Variants in FBF1 observed in about 807,000 individuals in gnomAD.
FBF1 encodes Fas binding factor 1.
FBF1 carries 119 observed loss-of-function variants against 147.2 expected under a neutral mutation model. The ratio of observed to expected loss-of-function variants is 0.81; its 90% CI spans 0.70 to 0.94. The LOEUF (loss-of-function observed/expected upper bound fraction) is 0.94. FBF1 is among the 40% of genes least tolerant of loss of function. The pLI, the probability that FBF1 is intolerant of heterozygous loss-of-function variation, is 0.00. For synonymous variants in FBF1, 601 were observed against 609.0 expected, an observed-to-expected ratio of 0.99 and a Z score of 0.19; for missense variants, 1,449 against 1,500.8, an observed-to-expected ratio of 0.97 and a Z score of 0.57.
At chr17:75,927,310 T>C (rs2065568114) in intron 9 of FBF1, 145 bp downstream of exon 9, 6 of 669,432 alleles carry the variant, frequency 9.0e-6, no homozygotes, top group South Asian at 1.9e-5. Flanking sequence ...ACAATATAGC[T>C]GGTCCCGACA....
rs1229815320 is a variant in FBF1, at chr17:75,910,481, C to T, written c.*242G>A. 3.9e-6 allele frequency: 2 copies of T among 512,008 alleles called. No individual in the cohort carries two copies. Among genetic ancestry groups the T allele is most frequent in the African/African-American group, 3.9e-5 (2 of 51,700 alleles). The allele number at this position is 512,008 out of a possible 1,614,324, so 31.7% of individuals were successfully genotyped here. On this transcript the variant is annotated 3_prime_UTR_variant, in exon 30 of 30. Transcript: ENST00000636174. The surrounding 1 kb of genome is among the most constrained non-coding windows in gnomAD (Gnocchi z 4.1). ...CAGACCCTCAGATCCAAGCCAATGGCTTTGGGGCAGGGCAGCCAAAGCCAT... is the reference window on the plus strand; with the variant it reads ...CAGACCCTCAGATCCAAGCCAATGGTTTTGGGGCAGGGCAGCCAAAGCCAT...
chr17:75,929,964 C>CCCAAAAAAAA, intron 7 of FBF1, 33 bp downstream of exon 7: 2 of 1,402,200 alleles, frequency 1.4e-6, no homozygotes, highest in Non-Finnish European at 2.0e-6. Flanking sequence ...CACCCACCCC[C>CCCAAAAAAAA]AGTTCTAAGA....
At position 75,919,721 on chromosome 17, in the gene FBF1, C is replaced by A. The variant is rs374905266; in HGVS notation, c.2085G>T (p.Ala695=). 2 of 1,612,926 alleles carry A rather than the reference C, an allele frequency of 1.2e-6. No homozygotes were observed. Among genetic ancestry groups the A allele is most frequent in the African/African-American group, 1.3e-5 (1 of 75,052 alleles). ...ELTAQHQRRL[A]AIAQEKDQEM... ...CCTGGTCCTTCTCCTGCGCTATGGC[C>A]GCCAAGCGCCGCTGGTGCTGGGCCG... The change falls in exon 20 of 30, where the codon GCG becomes GCT. Residue 695 remains alanine (A), a synonymous_variant. Coordinates refer to ENST00000636174, the MANE Select transcript of FBF1 (RefSeq NM_001319193.2). The surrounding 1 kb of genome is among the most constrained non-coding windows in gnomAD (Gnocchi z 5.0).
chr17:75,911,291 T>G (rs893185044), intron 29 of FBF1, among the ~76,000 whole-genome samples: 10 of 152,252 alleles, frequency 6.6e-5, no homozygotes, highest in Admixed American at 3.3e-4. Context: ...AAACAAAGCC[T>G]TCGGCATTGA....
chr17:75,927,057 C>T (rs1418480022), intron 9 of FBF1, among the ~76,000 whole-genome samples, 180 bp from the exon 10 acceptor site: 1 of 152,196 alleles, frequency 6.6e-6, no homozygotes, highest in Non-Finnish European at 1.5e-5. Context: ...ACAGGCCGGG[C>T]AAGGAGAGAG....
intron 5 of FBF1, among the ~76,000 whole-genome samples, 194 bp downstream of exon 5, chr17:75,932,801 G>A (rs1288613584): frequency 6.6e-6 from 1 of 151,358 alleles, no homozygotes; most frequent in Non-Finnish European, 1.5e-5. Flanking sequence ...CAGGAGAATT[G>A]CTTGAACCGG....
At position 75,928,258 on chromosome 17, in the gene FBF1, G is replaced by C. The variant is rs1477051915; in HGVS notation, c.280-65C>G. 14 of 1,341,170 alleles carry C rather than the reference G, an allele frequency of 1.0e-5. No individual in the cohort carries two copies. The Admixed American group carries it at 2.5e-4, about 24-fold the overall frequency. The allele number at this position is 1,341,170 out of a possible 1,614,324, so 83.1% of individuals were successfully genotyped here. A position where few individuals can be genotyped will look rare whatever the true frequency, so the allele number is the denominator to read the frequency against. Reference sequence around the variant, plus strand: ...TAAGGGGCTGAGGACTTCCACCTGAGAGAGATGGGCTGTTGGCACCCCAGG... The same window carrying C: ...TAAGGGGCTGAGGACTTCCACCTGACAGAGATGGGCTGTTGGCACCCCAGG... On this transcript the variant is annotated intron_variant, in intron 7 of 29. Transcript: ENST00000636174. The surrounding 1 kb of genome is among the most constrained non-coding windows in gnomAD (Gnocchi z 4.2).
chr17:75,913,970 C>T lies in FBF1; in HGVS notation c.3072G>A (p.Leu1024=). ...QQVQAEQQAR[L]QAVQQQQERL... is the part of the protein sequence containing the mutation. ...GCTCCTGCTGTTGCTGCACCGCCTG[C>T]AACCGGGCCTGCTGCTCTGCCTGCA... Residue 1024 remains leucine (L), a synonymous_variant, in exon 27 of 30, where the codon TTG becomes TTA. Coordinates refer to ENST00000636174, the MANE Select transcript of FBF1 (RefSeq NM_001319193.2). 1 of 1,559,802 alleles carries T rather than the reference C, an allele frequency of 6.4e-7. No individual in the cohort carries two copies. Among genetic ancestry groups the T allele is most frequent in the Admixed American group, 1.8e-5 (1 of 54,346 alleles).
intron 1 of FBF1, 68 bp from the exon 2 acceptor site, chr17:75,938,300 C>T (rs1486487053): frequency 1.7e-6 from 2 of 1,168,132 alleles, no homozygotes. Context: ...TGGCTCACGC[C>T]TGTTAATCCC....
At chr17:75,912,357 C>T (rs751649697) in intron 28 of FBF1, 50 bp from the exon 29 acceptor site, 17 of 1,413,864 alleles carry the variant, frequency 1.2e-5, no homozygotes, top group South Asian at 7.0e-5. Context: ...GTGGAAATAC[C>T]GGGCGGTCAC....
At chr17:75,912,328 G>T in intron 28 of FBF1, 21 bp from the exon 29 acceptor site, 5 of 1,542,456 alleles carry the variant, frequency 3.2e-6, no homozygotes, top group Non-Finnish European at 3.5e-6. Flanking sequence ...CAAGGAGGAA[G>T]TCAGGGACCA....
chr17:75,926,309 T>G lies in FBF1; in HGVS notation c.713A>C (p.Glu238Ala). The change falls in exon 11 of 30, where the codon GAG (glutamate) becomes GCG (alanine). Residue 238 changes from glutamate (E) to alanine (A), a missense_variant. Transcript: ENST00000636174. The part of the protein sequence containing the change: ...TLGFGDSPKA[E>A]KRQIGDQEGP... ...TTACTGGTCTCCTATCTGCCTCTTC[T>G]CTGCTTTGGGGCTGTCTCCAAACCC... 6.2e-7 allele frequency: 1 copy of G among 1,613,428 alleles called. No homozygotes were observed. The highest frequency in any genetic ancestry group is 8.5e-7 in the Non-Finnish European group (1 of 1,179,724).
rs1435100654 is a variant in FBF1 at position 75,920,090 on chromosome 17, T to C, written c.1848A>G (p.Leu616=). The C allele has an allele frequency of 6.3e-7, 1 of 1,586,996 alleles. No homozygotes were observed. Among genetic ancestry groups the C allele is most frequent in the African/African-American group, 1.3e-5 (1 of 74,270 alleles). The stretch of plus-strand genomic sequence containing the variant: ...GCAGCAGCTCATGCTGGGCCCGTTC[T>C]AGCTCCAGCTTCCGCACCTGGGAGA... ...ELEAQVRKLE[L]ERAQHELLLG... The change falls in exon 19 of 30, where the codon CTA becomes CTG. Residue 616 remains leucine (L), a synonymous_variant. Transcript: ENST00000636174.
At chr17:75,931,313 C>T (rs375398604) in intron 5 of FBF1, 24 bp from the exon 6 acceptor site, 1 of 1,569,730 alleles carries the variant, frequency 6.4e-7, no homozygotes, top group Non-Finnish European at 8.6e-7. Context: ...GCGTCAGCCC[C>T]TACCTGCATC....
chr17:75,931,128 AG>A (rs2065591917), intron 6 of FBF1, 100 bp downstream of exon 6: 2 of 1,215,086 alleles, frequency 1.6e-6, no homozygotes, highest in Non-Finnish European at 2.3e-6. Context: ...GTGACTTTGC[AG>A]GGACTTCTAA....
At chr17:75,937,629 A>G in intron 2 of FBF1, 36 bp from the exon 3 acceptor site, 1 of 1,613,174 alleles carries the variant, frequency 6.2e-7, no homozygotes, top group Non-Finnish European at 8.5e-7. Flanking sequence ...CAAGAAAACC[A>G]AACAGTGAAC....
intron 15 of FBF1, 91 bp downstream of exon 15, chr17:75,921,854 G>C: frequency 5.1e-6 from 6 of 1,178,806 alleles, no homozygotes; most frequent in Non-Finnish European, 7.2e-6. Context: ...GGCAGGGGCA[G>C]GGTGAACAGC....
chr17:75,931,213 A>C lies in FBF1; in HGVS notation c.228+16T>G. On this transcript the variant is annotated intron_variant, in intron 6 of 29. Coordinates refer to ENST00000636174, the MANE Select transcript of FBF1 (RefSeq NM_001319193.2). ...TGGGGATAAGTAGGGAGGTGGAGGG[A>C]AACAGCCAGGCTCACCTCAGCATCA... is the stretch of plus-strand genomic sequence containing the variant. 1 of 1,566,728 alleles carries C rather than the reference A, an allele frequency of 6.4e-7. No individual in the cohort carries two copies. Among genetic ancestry groups the C allele is most frequent in the Non-Finnish European group, 8.7e-7 (1 of 1,155,796 alleles).
Position 75,933,051 on chromosome 17 carries a change from A to G in FBF1, c.111T>C (p.His37=). ...LPEKPVKLAS[H]TRDTTGVSQM... is the part of the protein sequence containing the mutation. ...GAGATACACCTGTGGTGTCTCTGGT[A>G]TGTGAAGCTAGTTTAACAGGCTTCT... Residue 37 remains histidine (H), a synonymous_variant, in exon 5 of 30, where the codon CAT becomes CAC. Transcript: ENST00000636174. The G allele has an allele frequency of 6.2e-7, 1 of 1,608,178 alleles. No homozygotes were observed. Among genetic ancestry groups the G allele is most frequent in the East Asian group, 2.2e-5 (1 of 44,708 alleles).
Sources: gnomAD v4.1 joint callset for allele counts (sites outside exome capture counted in the v4.1 genomes callset) on GRCh38, gnomAD v4.1.1 for gene constraint, Gnocchi (gnomAD v3.1) non-coding constraint, MANE v1.5 for transcripts, NCBI Gene and HGNC (gene_info 2026-07-23, HGNC 2026-07-21) for gene names.